MALRD1: variants seen among roughly 807,000 people sequenced by gnomAD.
MALRD1 encodes the protein MAM and LDL receptor class A domain containing 1.
A neutral mutation model predicts 242.1 loss-of-function variants in MALRD1; 247 were observed. The observed-to-expected ratio is 1.02, with a 90% CI of 0.92 to 1.13. The LOEUF is 1.13. Among genes scored for constraint, MALRD1 ranks in the 50% most tolerant of loss-of-function variants. The pLI, the probability that MALRD1 is intolerant of heterozygous loss-of-function variation, is 0.00. For missense variants in MALRD1, 2,989 were observed against 2,533.1 expected, an observed-to-expected ratio of 1.18 and a Z score of -3.86; for synonymous variants, 995 against 866.6, an observed-to-expected ratio of 1.15 and a Z score of -2.60.
intron 14 of MALRD1, among the ~76,000 whole-genome samples, chr10:19,190,969 C>A (rs1835950644): frequency 6.6e-6 from 1 of 151,992 alleles, no homozygotes; most frequent in Non-Finnish European, 1.5e-5. Context: ...TTTATGAGAG[C>A]TTTAAAATTT....
chr10:19,509,224 A>C lies in MALRD1; in HGVS notation c.5320+10578A>C, dbSNP rs186194929. 2.1e-3 allele frequency among the ~76,000 whole-genome samples: 325 copies of C among 152,254 alleles called. 1 individual carries two copies. The highest frequency in any genetic ancestry group is 6.8e-3 in the Middle Eastern group (2 of 294). On this transcript the variant is annotated intron_variant, in intron 31 of 39. Transcript: ENST00000454679. Reference sequence around the variant, plus strand: ...TGAATTGGGCAATACTCAGAACCAAAAGTGGTTCAGAGAGCTCCACCCTTC... The same window carrying C: ...TGAATTGGGCAATACTCAGAACCAACAGTGGTTCAGAGAGCTCCACCCTTC...
chr10:19,239,944 TTTG>T (rs1483779680), intron 18 of MALRD1, among the ~76,000 whole-genome samples: 1 of 152,154 alleles, frequency 6.6e-6, no homozygotes, highest in Non-Finnish European at 1.5e-5. Flanking sequence ...TGCCTCCAGC[TTTG>T]TTATTTTTGC....
At chr10:19,539,603 T>C (rs754653555) in intron 32 of MALRD1, among the ~76,000 whole-genome samples, 1 of 152,148 alleles carries the variant, frequency 6.6e-6, no homozygotes. Flanking sequence ...TGAGCCGATA[T>C]GGGGGATGCT....
At chr10:19,389,378 A>C in intron 27 of MALRD1, 74 bp from the exon 28 acceptor site, 1 of 1,442,158 alleles carries the variant, frequency 6.9e-7, no homozygotes, top group Non-Finnish European at 9.5e-7. Context: ...TAAAGACCCT[A>C]ACTATGATGG....
intron 21 of MALRD1, among the ~76,000 whole-genome samples, chr10:19,294,987 T>C (rs975574978): frequency 6.6e-6 from 1 of 152,118 alleles, no homozygotes; most frequent in Non-Finnish European, 1.5e-5. Context: ...TTGCAATCTG[T>C]AATCATCTAT....
chr10:19,276,783 C>T (rs1199760426), intron 19 of MALRD1, among the ~76,000 whole-genome samples: 1 of 152,042 alleles, frequency 6.6e-6, no homozygotes, highest in Non-Finnish European at 1.5e-5. Context: ...GTATATCCAA[C>T]TGGATGTGAG....
At chr10:19,238,433 A>T (rs187017748) in intron 18 of MALRD1, among the ~76,000 whole-genome samples, 1,058 of 70,946 alleles carry the variant, frequency 0.015, 93 homozygotes, top group African/African-American at 0.056. Flanking sequence ...CATTATATAT[A>T]ATATATAATA....
chr10:19,695,671 C>T (rs1000389249), intron 38 of MALRD1, among the ~76,000 whole-genome samples: 1 of 152,056 alleles, frequency 6.6e-6, no homozygotes, highest in Non-Finnish European at 1.5e-5. Flanking sequence ...AGGTACCTGC[C>T]ACCATGCCCG....
At chr10:19,204,070 T>C (rs1006839374) in intron 15 of MALRD1, among the ~76,000 whole-genome samples, 190 bp downstream of exon 15, 1 of 152,224 alleles carries the variant, frequency 6.6e-6, no homozygotes, top group African/African-American at 2.4e-5. Flanking sequence ...CATATAGATA[T>C]ATTTTTGGCT....
At chr10:19,361,424 A>AT (rs1344881165) in intron 26 of MALRD1, among the ~76,000 whole-genome samples, 3 of 152,164 alleles carry the variant, frequency 2.0e-5, no homozygotes, top group African/African-American at 4.8e-5. Flanking sequence ...AAGAGCTGCC[A>AT]TATCAGCCTA....
chr10:19,504,784 G>A (rs1052022386), intron 31 of MALRD1, among the ~76,000 whole-genome samples: 5 of 141,534 alleles, frequency 3.5e-5, no homozygotes, highest in African/African-American at 1.3e-4. Context: ...CCGGGTTCAC[G>A]CCATTCTCCT....
At chr10:19,531,764 GC>G (rs781730206) in intron 32 of MALRD1, among the ~76,000 whole-genome samples, 19 of 152,140 alleles carry the variant, frequency 1.2e-4, no homozygotes, top group Non-Finnish European at 1.9e-4. Context: ...GTATATATCA[GC>G]TCACAGTAAA....
At chr10:19,257,584 T>G in intron 18 of MALRD1, 100 bp from the exon 19 acceptor site, 2 of 917,430 alleles carry the variant, frequency 2.2e-6, no homozygotes, top group South Asian at 1.9e-5. Flanking sequence ...GAAGGTTATA[T>G]TTGGGTACAT....
Position 19,283,190 on chromosome 10 carries a change from C to T in MALRD1, c.3419+9C>T. ...TCAGTGGATCATACACAGTAAGTGA[C>T]CATGTATTTTGAATATCTCTCTTGG... On this transcript the variant is annotated intron_variant, in intron 21 of 39. Transcript: ENST00000454679. The T allele has an allele frequency of 6.6e-7, 1 of 1,516,682 alleles. No homozygotes were observed. The highest frequency in any genetic ancestry group is 8.9e-7 in the Non-Finnish European group (1 of 1,129,254). The allele number at this position is 1,516,682 out of a possible 1,614,324, so 94.0% of individuals were successfully genotyped here.
chr10:19,716,925 A>T (rs1387442449), intron 38 of MALRD1: 1 of 152,200 alleles, frequency 6.6e-6, no homozygotes, highest in African/African-American at 2.4e-5. Context: ...AACAAAACAA[A>T]AAAGAAACCC....
intron 33 of MALRD1, among the ~76,000 whole-genome samples, chr10:19,594,350 C>G (rs1311173374): frequency 6.6e-6 from 1 of 152,006 alleles, no homozygotes; most frequent in Non-Finnish European, 1.5e-5. Flanking sequence ...GAAGTTGGTG[C>G]GGATGTGGTG....
At chr10:19,591,750 A>T (rs1424311260) in intron 33 of MALRD1, among the ~76,000 whole-genome samples, 1 of 152,048 alleles carries the variant, frequency 6.6e-6, no homozygotes, top group African/African-American at 2.4e-5. Context: ...TGCCCACCTC[A>T]GCCTCCCAAA....
intron 13 of MALRD1, among the ~76,000 whole-genome samples, chr10:19,170,585 T>A (rs957704149): frequency 6.6e-6 from 1 of 151,966 alleles, no homozygotes; most frequent in Admixed American, 6.6e-5. Context: ...GGTGATCGAG[T>A]CTCCGTAAAG....
At chr10:19,368,733 GCT>G (rs1352738612) in intron 26 of MALRD1, among the ~76,000 whole-genome samples, 1 of 151,494 alleles carries the variant, frequency 6.6e-6, no homozygotes, top group Non-Finnish European at 1.5e-5. Context: ...TATTAATTCT[GCT>G]CAGTGATCAT....
Sources: gnomAD v4.1 joint callset for allele counts (sites outside exome capture counted in the v4.1 genomes callset) on GRCh38, gnomAD v4.1.1 for gene constraint, MANE v1.5 for transcripts, NCBI Gene and HGNC (gene_info 2026-07-23, HGNC 2026-07-21) for gene names.